The following OCIAD1 variants were observed in gnomAD, a reference collection of about 807,000 sequenced individuals.
The protein encoded by OCIAD1 is OCIA domain containing 1.
Under a neutral mutation model 38.9 loss-of-function variants are expected in OCIAD1, and 29 were observed. The observed-to-expected ratio is 0.74, with a 90% CI of 0.55 to 1.02. OCIAD1 has a LOEUF of 1.02. Among genes scored for constraint, OCIAD1 ranks in the 50% least tolerant of loss-of-function variants. OCIAD1 has a pLI of 0.00. For synonymous variants in OCIAD1, 110 were observed against 92.0 expected (o/e 1.20, Z -1.12); for missense variants, 288 against 289.6 (o/e 0.99, Z 0.04).
chr4:48,851,488 G>C (rs938419333), intron 6 of OCIAD1, among the ~76,000 whole-genome samples: 1 of 152,134 alleles, frequency 6.6e-6, no homozygotes, highest in African/African-American at 2.4e-5. Context: ...AGTAGTTTGA[G>C]ACCAGCCAGG....
upstream of OCIAD1, among the ~76,000 whole-genome samples, chr4:48,830,125 A>G (rs1579041287): frequency 6.6e-6 from 1 of 152,216 alleles, no homozygotes; most frequent in Admixed American, 6.5e-5. Context: ...GAACCCTGAA[A>G]TAGAAGAAAG....
chr4:48,838,740 A>G (rs1018163632), intron 3 of OCIAD1, among the ~76,000 whole-genome samples: 3 of 152,210 alleles, frequency 2.0e-5, no homozygotes, highest in Non-Finnish European at 2.9e-5. Context: ...GCACTTACTA[A>G]GGTAATTTTT....
At chr4:48,843,866 G>C (rs1778747791) in intron 4 of OCIAD1, among the ~76,000 whole-genome samples, 1 of 152,194 alleles carries the variant, frequency 6.6e-6, no homozygotes, top group African/African-American at 2.4e-5. Flanking sequence ...TTGGAGCTAG[G>C]TATGCAGAAG....
At chr4:48,811,761 A>C (rs548194920) in intron 1 of OCIAD1, among the ~76,000 whole-genome samples, 107 of 152,362 alleles carry the variant, frequency 7.0e-4, no homozygotes, top group African/African-American at 2.5e-3. Flanking sequence ...GAGAAAGAAG[A>C]GTCAAGGATG....
At chr4:48,821,230 G>A (rs756963250) in intron 1 of OCIAD1, among the ~76,000 whole-genome samples, 6 of 152,194 alleles carry the variant, frequency 3.9e-5, no homozygotes, top group Non-Finnish European at 8.8e-5. Flanking sequence ...TGCCTGGGAT[G>A]CAAGGCTGGT....
intron 1 of OCIAD1, among the ~76,000 whole-genome samples, chr4:48,825,072 G>A (rs1777235602): frequency 6.6e-6 from 1 of 152,172 alleles, no homozygotes; most frequent in South Asian, 2.1e-4. Context: ...AAATAATGAA[G>A]GAACTGTAAT....
chr4:48,827,195 T>A (rs1170724590), upstream of OCIAD1, among the ~76,000 whole-genome samples: 2 of 152,184 alleles, frequency 1.3e-5, no homozygotes, highest in Non-Finnish European at 2.9e-5. Flanking sequence ...AGTTCAAGCG[T>A]TCATTTGAAA....
At chr4:48,818,437 C>G (rs1777162167) in intron 1 of OCIAD1, among the ~76,000 whole-genome samples, 1 of 152,130 alleles carries the variant, frequency 6.6e-6, no homozygotes, top group Non-Finnish European at 1.5e-5. Flanking sequence ...CCTCAAAGAT[C>G]AAAGGTAGAT....
chr4:48,816,303 A>G (rs572614449), intron 1 of OCIAD1, among the ~76,000 whole-genome samples: 1 of 152,212 alleles, frequency 6.6e-6, no homozygotes, highest in African/African-American at 2.4e-5. Context: ...GGACATCTAT[A>G]TAGCGCTTAG....
intron 1 of OCIAD1, among the ~76,000 whole-genome samples, chr4:48,810,510 A>G (rs1279200503): frequency 6.6e-6 from 1 of 150,562 alleles, no homozygotes; most frequent in African/African-American, 2.4e-5. Context: ...ATCTTGCTGC[A>G]TTGTCCAGGC....
chr4:48,849,559 A>T (rs1164552976), intron 5 of OCIAD1, among the ~76,000 whole-genome samples: 1 of 152,186 alleles, frequency 6.6e-6, no homozygotes, highest in African/African-American at 2.4e-5. Flanking sequence ...AATGGCCTAA[A>T]TCCTTGTGAT....
chr4:48,850,792 C>G (rs6810506), intron 6 of OCIAD1, among the ~76,000 whole-genome samples: 4,207 of 152,262 alleles, frequency 0.028, 176 homozygotes, highest in African/African-American at 0.096. Flanking sequence ...CCAGGCTGGT[C>G]TCAAACTCCT....
At chr4:48,816,392 G>A (rs891020716) in intron 1 of OCIAD1, among the ~76,000 whole-genome samples, 12 of 152,100 alleles carry the variant, frequency 7.9e-5, no homozygotes, top group Non-Finnish European at 1.2e-4. Flanking sequence ...AATTAGCTGG[G>A]CATGGTGGCA....
At position 48,819,743 on chromosome 4, in the gene OCIAD1, AAG is replaced by A. The variant is rs1296489130; in HGVS notation, c.-102-10833_-102-10832del. The stretch of plus-strand genomic sequence containing the variant: ...AAAAAAAAAAAAAAAAAAAAAAAAA[AAG>A]GAGGGGTTGCAATCCCAGTCTCTGA... On this transcript the variant is annotated intron_variant, in intron 1 of 6. Transcript: ENST00000504654. Among the ~76,000 whole-genome samples, 195 of 146,610 alleles carry A rather than the reference AAG, an allele frequency of 1.3e-3. 33 individuals are homozygous for A. The highest frequency in any genetic ancestry group is 7.0e-3 in the Middle Eastern group (2 of 284).
intron 1 of OCIAD1, among the ~76,000 whole-genome samples, chr4:48,812,312 A>AAAAAAAAAAAAAAAAAAAAAAC (rs1777097630): frequency 6.8e-6 from 1 of 147,768 alleles, no homozygotes; most frequent in Admixed American, 6.8e-5. Flanking sequence ...AAAAAAAAAA[A>AAAAAAAAAAAAAAAAAAAAAAC]AAAAGAAAAG....
intron 1 of OCIAD1, among the ~76,000 whole-genome samples, chr4:48,816,176 C>A (rs935762274): frequency 6.6e-6 from 1 of 152,194 alleles, no homozygotes; most frequent in East Asian, 1.9e-4. Context: ...GTGCATTTCT[C>A]GCTCTCTCTC....
At chr4:48,810,775 AG>A (rs1412887874) in intron 1 of OCIAD1, among the ~76,000 whole-genome samples, 1 of 152,088 alleles carries the variant, frequency 6.6e-6, no homozygotes, top group Non-Finnish European at 1.5e-5. Flanking sequence ...GTGCTACCGA[AG>A]TGGAGGAAAA....
chr4:48,842,826 A>T, intron 4 of OCIAD1, 137 bp downstream of exon 4: 1 of 555,126 alleles, frequency 1.8e-6, no homozygotes, highest in Non-Finnish European at 3.1e-6. Context: ...GATGAATTTA[A>T]ACGTTTTATC....
At chr4:48,829,123 G>A (rs958642265), upstream of OCIAD1, among the ~76,000 whole-genome samples, 3 of 151,994 alleles carry the variant, frequency 2.0e-5, no homozygotes. Flanking sequence ...AGCTGGGCGT[G>A]GTGGTGCACA....
Sources: allele counts gnomAD v4.1 joint callset (sites outside exome capture counted in the v4.1 genomes callset), GRCh38; gene constraint gnomAD v4.1.1; transcripts MANE v1.5; gene names NCBI Gene and HGNC (gene_info 2026-07-23, HGNC 2026-07-21).